OMA1: variants seen among roughly 807,000 people sequenced by gnomAD.
OMA1 encodes the protein metalloendopeptidase OMA1, mitochondrial.
OMA1 carries 38 observed loss-of-function variants against 30.9 expected under a neutral mutation model. The observed-to-expected ratio is 1.23, with a 90% CI of 0.95 to 1.61. The LOEUF is 1.61. Ranked by LOEUF, OMA1 falls within the 40% of genes most tolerant of loss-of-function variation. OMA1 has a pLI of 0.00. For missense variants in OMA1, 461 were observed against 349.2 expected, an observed-to-expected ratio of 1.32 and a Z score of -2.55; for synonymous variants, 173 against 121.9, an observed-to-expected ratio of 1.42 and a Z score of -2.76.
intron 8 of OMA1, among the ~76,000 whole-genome samples, chr1:58,486,153 T>A (rs1645572588): frequency 6.6e-6 from 1 of 152,214 alleles, no homozygotes; most frequent in African/African-American, 2.4e-5. Flanking sequence ...ATAAAATACT[T>A]ATCATTAAAA....
At chr1:58,497,349 G>T (rs1311065308) in intron 8 of OMA1, among the ~76,000 whole-genome samples, 3 of 152,124 alleles carry the variant, frequency 2.0e-5, no homozygotes, top group Non-Finnish European at 4.4e-5. Flanking sequence ...ACACTGCTGA[G>T]ATACAGAAAT....
chr1:58,484,483 C>G (rs11207240), intron 8 of OMA1, among the ~76,000 whole-genome samples: 47,118 of 152,040 alleles, frequency 0.31, 7,749 homozygotes, highest in African/African-American at 0.42. Flanking sequence ...ATTCACATAA[C>G]ATTTCATGAC....
In OMA1 at chr1:58,481,157, C is replaced by A. The variant is rs2100347931; in HGVS notation, c.1383G>T (p.Glu461Asp). 1 of 848,054 alleles carries A rather than the reference C, an allele frequency of 1.2e-6. No homozygotes were observed. The highest frequency in any genetic ancestry group is 2.2e-4 in the Middle Eastern group (1 of 4,474). The allele number at this position is 848,054 out of a possible 1,614,324, so 52.5% of individuals were successfully genotyped here. ...TAGACAGTGGTGGACAATTACACAT[C>A]TCTCTAATTTTGAGAGCCTATAAAG... ...RLIPQALKIR[E>D]MCNCPPLSNP... Residue 461 changes from glutamate (E) to aspartate (D), a missense_variant, in exon 9 of 9, where the codon GAG (glutamate) becomes GAT (aspartate). By Grantham distance (45) the Glu-to-Asp change is conservative. Transcript: ENST00000371226.
At chr1:58,483,677 G>A (rs1464647152) in intron 8 of OMA1, among the ~76,000 whole-genome samples, 1 of 152,154 alleles carries the variant, frequency 6.6e-6, no homozygotes, top group African/African-American at 2.4e-5. Context: ...TAAGTAAACA[G>A]AAAGTCAGAT....
intron 7 of OMA1, among the ~76,000 whole-genome samples, chr1:58,510,524 A>C (rs534395111): frequency 7.2e-5 from 11 of 152,298 alleles, no homozygotes; most frequent in African/African-American, 2.6e-4. Flanking sequence ...ATCACACTTC[A>C]TGGTGAAAAA....
intron 7 of OMA1, among the ~76,000 whole-genome samples, chr1:58,519,656 T>C (rs1191726001): frequency 1.3e-5 from 2 of 151,958 alleles, no homozygotes; most frequent in Non-Finnish European, 2.9e-5. Context: ...TAAGCAACGA[T>C]GCCAACAAAC....
intron 7 of OMA1, among the ~76,000 whole-genome samples, chr1:58,508,530 G>A (rs2100421719): frequency 6.6e-6 from 1 of 152,250 alleles, no homozygotes; most frequent in South Asian, 2.1e-4. Context: ...ATCTGCGAGA[G>A]CAATTATGTA....
At chr1:58,489,390 G>A (rs564401250) in intron 8 of OMA1, among the ~76,000 whole-genome samples, 3 of 152,344 alleles carry the variant, frequency 2.0e-5, no homozygotes, top group African/African-American at 7.2e-5. Context: ...CAGCGAGGCT[G>A]GGGGAGGGGT....
intron 8 of OMA1, among the ~76,000 whole-genome samples, chr1:58,495,479 T>C (rs1645784659): frequency 6.6e-6 from 1 of 152,152 alleles, no homozygotes; most frequent in Admixed American, 6.6e-5. Flanking sequence ...TAAATTTTAT[T>C]TTTCATATTA....
rs1645467085 is a variant in OMA1 at position 58,480,838 on chromosome 1, G to A, written c.*127C>T. 1 of 605,616 alleles carries A rather than the reference G, an allele frequency of 1.7e-6. No homozygotes were observed. Among genetic ancestry groups the A allele is most frequent in the Admixed American group, 3.4e-5 (1 of 29,494 alleles). 37.5% of individuals were successfully genotyped at this position (605,616 alleles called of 1,614,324 possible). On this transcript the variant is annotated 3_prime_UTR_variant, in exon 9 of 9. Transcript: ENST00000371226. Reference sequence around the variant, plus strand: ...TTCTAGAAGAATTTAGATAATATCTGTAATGTACATGATTTGACCCTGAAT... The same window carrying A: ...TTCTAGAAGAATTTAGATAATATCTATAATGTACATGATTTGACCCTGAAT...
At chr1:58,536,770 T>C in intron 2 of OMA1, 29 bp from the exon 3 acceptor site, 1 of 860,882 alleles carries the variant, frequency 1.2e-6, no homozygotes, top group Non-Finnish European at 2.0e-6. Context: ...TTCAAAGTTC[T>C]GAAAATCATT....
At chr1:58,485,652 A>G (rs1645564497) in intron 8 of OMA1, among the ~76,000 whole-genome samples, 1 of 151,402 alleles carries the variant, frequency 6.6e-6, no homozygotes, top group Admixed American at 6.6e-5. Flanking sequence ...CAGGGCGCCA[A>G]TGTCTTTTTA....
intron 8 of OMA1, among the ~76,000 whole-genome samples, chr1:58,489,772 T>C (rs1010391746): frequency 6.6e-6 from 1 of 152,134 alleles, no homozygotes; most frequent in Non-Finnish European, 1.5e-5. Flanking sequence ...GGCAGCAACA[T>C]TGGCTGTTCA....
chr1:58,484,628 TTTTAACAGC>T (rs1446154646), intron 8 of OMA1, among the ~76,000 whole-genome samples: 1 of 152,332 alleles, frequency 6.6e-6, no homozygotes, highest in East Asian at 1.9e-4. Context: ...TGGTAAATGT[TTTTAACAGC>T]TTTATTTGCT....
intron 2 of OMA1, among the ~76,000 whole-genome samples, chr1:58,537,229 C>T (rs548867336): frequency 6.6e-6 from 1 of 152,210 alleles, no homozygotes; most frequent in African/African-American, 2.4e-5. Context: ...AGTCTGACCA[C>T]TTAGCCACTT....
intron 1 of OMA1, among the ~76,000 whole-genome samples, chr1:58,540,315 CA>C (rs1483361272): frequency 1.3e-4 from 20 of 151,156 alleles, no homozygotes. Flanking sequence ...TATTAGGACA[CA>C]AAACTATTTA....
chr1:58,529,949 C>T lies in OMA1; in HGVS notation c.1140+652G>A, dbSNP rs191430906. 4.9e-3 allele frequency among the ~76,000 whole-genome samples: 742 copies of T among 152,092 alleles called. 3 individuals carry two copies. Among genetic ancestry groups the T allele is most frequent in the Non-Finnish European group, 8.3e-3 (564 of 67,966 alleles). On this transcript the variant is annotated intron_variant, in intron 6 of 8. Coordinates refer to ENST00000371226, the MANE Select transcript of OMA1 (RefSeq NM_145243.5). The stretch of plus-strand genomic sequence containing the variant: ...AGGCTGGAGTGCAGTGGCGCAATCT[C>T]GGCTCACAGCAAGCTCTGCCTCCTG...
In OMA1 at chr1:58,506,214, A is replaced by T. The variant is rs1228989513; in HGVS notation, c.1216-5T>A. 1.2e-6 allele frequency: 1 copy of T among 862,736 alleles called. No individual in the cohort carries two copies. Among genetic ancestry groups the T allele is most frequent in the Admixed American group, 1.7e-5 (1 of 58,942 alleles). The allele number at this position is 862,736 out of a possible 1,614,324, so 53.4% of individuals were successfully genotyped here. A position where few individuals can be genotyped will look rare whatever the true frequency, so the allele number is the denominator to read the frequency against. ...GGCTCTTATGTCTGCACAAGCCTAA[A>T]ACCAAAATTAGTAAAACCACACAAT... On this transcript the variant is annotated splice_polypyrimidine_tract_variant and splice_region_variant and intron_variant, in intron 7 of 8. Transcript: ENST00000371226.
rs902925 is a variant in OMA1 at position 58,539,307 on chromosome 1, C to T, written c.-13G>A. 806,545 of 811,626 alleles carry T rather than the reference C, an allele frequency of 0.99. 400,898 individuals carry two copies. Among genetic ancestry groups the T allele is most frequent in the East Asian group, 1 (41,321 of 41,322 alleles). 50.3% of individuals were successfully genotyped at this position (811,626 alleles called of 1,614,324 possible). A position where few individuals can be genotyped will look rare whatever the true frequency, so the allele number is the denominator to read the frequency against. ...AGATGAAGCTCATTTTTTCACTTGA[C>T]TACCTGAAACAAAAAAAAAACTATA... On this transcript the variant is annotated 5_prime_UTR_variant, in exon 2 of 9. Transcript: ENST00000371226.
Sources: gnomAD v4.1 joint callset for allele counts (sites outside exome capture counted in the v4.1 genomes callset) on GRCh38, gnomAD v4.1.1 for gene constraint, MANE v1.5 for transcripts, NCBI Gene and HGNC (gene_info 2026-07-23, HGNC 2026-07-21) for gene names.